Variants in CSMD1 observed in about 807,000 individuals in gnomAD.
CSMD1 encodes CUB and Sushi multiple domains 1, also known as CUB and sushi domain-containing protein 1.
In CSMD1, 213 loss-of-function variants were observed where a neutral mutation model predicts 417.5. That is an observed-to-expected ratio of 0.51 (90% confidence interval 0.46 to 0.57). The LOEUF (loss-of-function observed/expected upper bound fraction) is 0.57, where lower values mean the gene tolerates loss of function less well. Among genes scored for constraint, CSMD1 ranks in the 20% least tolerant of loss-of-function variants. The pLI, the probability that CSMD1 is intolerant of heterozygous loss-of-function variation, is 0.00. For missense variants in CSMD1, 6,923 were observed against 4,529.7 expected (o/e 1.53, Z -15.17); for synonymous variants, 2,862 against 1,736.8 (o/e 1.65, Z -16.11).
chr8:3,832,087 G>A (rs1479258371), intron 5 of CSMD1, among the ~76,000 whole-genome samples: 1 of 152,110 alleles, frequency 6.6e-6, no homozygotes, highest in Non-Finnish European at 1.5e-5. Flanking sequence ...TATCTCATGT[G>A]TGGAATCCTG....
chr8:3,497,391 T>C lies in CSMD1; in HGVS notation c.1345-3665A>G, dbSNP rs572128217. Among the ~76,000 whole-genome samples, 10 of 149,886 alleles carry C rather than the reference T, an allele frequency of 6.7e-5. No individual in the cohort carries two copies. The South Asian group carries it at 2.1e-3, about 32-fold the overall frequency. On this transcript the variant is annotated intron_variant, in intron 10 of 69. Transcript: ENST00000635120. ...TTGTCTTTGTCTCATTTTACATTTG[T>C]TTCACTTTCCATTTATTTATTTATT...
chr8:3,758,508 G>C (rs933656899), intron 5 of CSMD1, among the ~76,000 whole-genome samples: 1 of 152,148 alleles, frequency 6.6e-6, no homozygotes, highest in Non-Finnish European at 1.5e-5. Flanking sequence ...GCTGTCTACA[G>C]GGCCAGGAGC....
chr8:4,559,590 A>G (rs1018868583), intron 2 of CSMD1, among the ~76,000 whole-genome samples: 8 of 152,210 alleles, frequency 5.3e-5, no homozygotes, highest in Non-Finnish European at 1.2e-4. Flanking sequence ...TTACATAATT[A>G]CCCCAATGTT....
At chr8:3,495,840 T>C (rs1345888081) in intron 10 of CSMD1, among the ~76,000 whole-genome samples, 1 of 152,194 alleles carries the variant, frequency 6.6e-6, no homozygotes, top group Non-Finnish European at 1.5e-5. Flanking sequence ...TCCTTATGTC[T>C]TGCATGGACT....
chr8:3,094,102 ATTT>A (rs35728202), intron 47 of CSMD1, among the ~76,000 whole-genome samples: 343 of 150,306 alleles, frequency 2.3e-3, no homozygotes, highest in Non-Finnish European at 3.9e-3. Flanking sequence ...ATTTTATTTT[ATTT>A]TTTATTTTTT....
chr8:3,309,033 C>T (rs1054236442), intron 23 of CSMD1, among the ~76,000 whole-genome samples: 2 of 152,052 alleles, frequency 1.3e-5, no homozygotes, highest in African/African-American at 4.8e-5. Flanking sequence ...CCCTCAAGCT[C>T]TTGTTTTCCG....
chr8:3,086,985 C>A lies in CSMD1; in HGVS notation c.7474+112G>T, dbSNP rs569840646. On this transcript the variant is annotated intron_variant, in intron 49 of 69. Coordinates refer to ENST00000635120, the MANE Select transcript of CSMD1 (RefSeq NM_033225.6). ...ATTCGTACTGTTATAAGCCAACATTCAATTTTTCCTTACCTTTTATTCTTA... is the reference window on the plus strand; with the variant it reads ...ATTCGTACTGTTATAAGCCAACATTAAATTTTTCCTTACCTTTTATTCTTA... 2.8e-4 allele frequency: 279 copies of A among 994,952 alleles called. No individual in the cohort carries two copies. In the African/African-American group the frequency reaches 4.0e-3, roughly 14 times the overall value. The allele number at this position is 994,952 out of a possible 1,614,324, so 61.6% of individuals were successfully genotyped here. A position where few individuals can be genotyped will look rare whatever the true frequency, so the allele number is the denominator to read the frequency against.
intron 33 of CSMD1, among the ~76,000 whole-genome samples, chr8:3,192,665 G>C (rs1207375874): frequency 6.6e-6 from 1 of 152,154 alleles, no homozygotes; most frequent in Non-Finnish European, 1.5e-5. Flanking sequence ...TTTATATTTT[G>C]AAATACAAAT....
intron 1 of CSMD1, among the ~76,000 whole-genome samples, chr8:4,703,868 A>G (rs142687170): frequency 3.8e-3 from 585 of 152,310 alleles, no homozygotes; most frequent in Middle Eastern, 6.8e-3. Flanking sequence ...TTCCATGGAC[A>G]GCAGGGTTGG....
chr8:3,643,722 A>G (rs1797431004), intron 7 of CSMD1, among the ~76,000 whole-genome samples: 1 of 146,664 alleles, frequency 6.8e-6, no homozygotes, highest in Admixed American at 6.8e-5. Context: ...AAAAAAAAAA[A>G]GGAAATGCCT....
chr8:4,175,725 T>C lies in CSMD1; in HGVS notation c.416-143626A>G, dbSNP rs111831555. Among the ~76,000 whole-genome samples, 719 of 152,236 alleles carry C rather than the reference T, an allele frequency of 4.7e-3. 23 individuals carry two copies. The East Asian group carries it at 0.066, about 14-fold the overall frequency. On this transcript the variant is annotated intron_variant, in intron 3 of 69. Coordinates refer to ENST00000635120, the MANE Select transcript of CSMD1 (RefSeq NM_033225.6). ...GGGAGAATTTTATTGTCCAAGAGAATGTTGCCTAGAAAAATAATGGTGAAA... is the reference window on the plus strand; with the variant it reads ...GGGAGAATTTTATTGTCCAAGAGAACGTTGCCTAGAAAAATAATGGTGAAA...
chr8:3,454,223 G>C (rs1314869486), intron 12 of CSMD1, among the ~76,000 whole-genome samples: 1 of 152,084 alleles, frequency 6.6e-6, no homozygotes, highest in East Asian at 1.9e-4. Flanking sequence ...CGTTAGATGG[G>C]TCTCCTGAAT....
At chr8:3,738,805 C>T (rs984913344) in intron 6 of CSMD1, among the ~76,000 whole-genome samples, 3 of 152,168 alleles carry the variant, frequency 2.0e-5, no homozygotes, top group Admixed American at 6.5e-5. Flanking sequence ...CAGATAGGCT[C>T]ACACGCGTGA....
rs979470451 is a variant in CSMD1, at chr8:3,571,393, G to C, written c.1344+3552C>G. On this transcript the variant is annotated intron_variant, in intron 10 of 69. Coordinates refer to ENST00000635120, the MANE Select transcript of CSMD1 (RefSeq NM_033225.6). ...TCCTGAAGTCTGTTCCCTGGTTAAA[G>C]GTACGGAGAACATATATTGTTCTGA... is the stretch of plus-strand genomic sequence containing the variant. Among the ~76,000 whole-genome samples the C allele has an allele frequency of 4.6e-5, 7 of 152,274 alleles. No homozygotes were observed. In the East Asian group the frequency reaches 5.8e-4, roughly 13 times the overall value.
At chr8:4,239,003 C>A (rs1802231614) in intron 3 of CSMD1, among the ~76,000 whole-genome samples, 1 of 152,188 alleles carries the variant, frequency 6.6e-6, no homozygotes, top group East Asian at 1.9e-4. Flanking sequence ...ATCACTATGG[C>A]TACAGGATTA....
At chr8:4,576,187 A>T (rs1350702044) in intron 2 of CSMD1, among the ~76,000 whole-genome samples, 1 of 152,240 alleles carries the variant, frequency 6.6e-6, no homozygotes, top group Non-Finnish European at 1.5e-5. Flanking sequence ...AAGCTGTATC[A>T]GCTCTGTAGG....
chr8:3,529,483 G>C (rs1313613345), intron 10 of CSMD1, among the ~76,000 whole-genome samples: 1 of 152,044 alleles, frequency 6.6e-6, no homozygotes. Context: ...GAAGAAATTG[G>C]GATTATGTGA....
intron 3 of CSMD1, among the ~76,000 whole-genome samples, chr8:4,036,570 A>G (rs1302338007): frequency 1.3e-5 from 2 of 152,202 alleles, no homozygotes; most frequent in African/African-American, 4.8e-5. Flanking sequence ...AATTTCATCA[A>G]TTTAGGAAAG....
chr8:4,291,950 C>T (rs368421391), intron 3 of CSMD1, among the ~76,000 whole-genome samples: 233 of 152,248 alleles, frequency 1.5e-3, no homozygotes, highest in Middle Eastern at 6.8e-3. Context: ...AGGCAGGGAG[C>T]CTGGTGTCCA....
Sources: gnomAD v4.1 joint callset for allele counts (sites outside exome capture counted in the v4.1 genomes callset) on GRCh38, gnomAD v4.1.1 for gene constraint, MANE v1.5 for transcripts, NCBI Gene and HGNC (gene_info 2026-07-23, HGNC 2026-07-21) for gene names.